The following DLG2 variants were observed in gnomAD, a reference collection of about 807,000 sequenced individuals.
DLG2 encodes the protein disks large homolog 2.
A neutral mutation model predicts 132.5 loss-of-function variants in DLG2; 45 were observed. The ratio of observed to expected loss-of-function variants is 0.34; its 90% CI spans 0.27 to 0.44. The LOEUF is 0.44. Among genes scored for constraint, DLG2 ranks in the 20% least tolerant of loss-of-function variants. The pLI, the probability that DLG2 is intolerant of heterozygous loss-of-function variation, is 1.00. For synonymous variants in DLG2, 424 were observed against 419.6 expected (o/e 1.01, Z -0.13); for missense variants, 1,045 against 1,196.9 (o/e 0.87, Z 1.87).
chr11:85,487,831 T>C (rs2093464594), intron 3 of DLG2, among the ~76,000 whole-genome samples: 1 of 152,142 alleles, frequency 6.6e-6, no homozygotes, highest in Non-Finnish European at 1.5e-5. Context: ...AGGAAAACAA[T>C]GCAAAGAAGA....
intron 21 of DLG2, among the ~76,000 whole-genome samples, chr11:83,529,407 T>C (rs2095684359): frequency 6.6e-6 from 1 of 152,194 alleles, no homozygotes; most frequent in Non-Finnish European, 1.5e-5. Flanking sequence ...CTTATTGACG[T>C]ATTTTCTCAT....
At chr11:84,952,149 G>GT (rs2051008663) in intron 6 of DLG2, among the ~76,000 whole-genome samples, 1 of 152,102 alleles carries the variant, frequency 6.6e-6, no homozygotes, top group South Asian at 2.1e-4. Flanking sequence ...ATTGTACTTT[G>GT]TATCAGCCAT....
intron 6 of DLG2, among the ~76,000 whole-genome samples, chr11:84,880,697 G>C (rs979042725): frequency 6.6e-6 from 1 of 152,018 alleles, no homozygotes; most frequent in African/African-American, 2.4e-5. Flanking sequence ...TTAGGACATG[G>C]TGTAGCTGAA....
At chr11:83,983,684 T>C (rs544147619) in intron 11 of DLG2, among the ~76,000 whole-genome samples, 35 of 152,168 alleles carry the variant, frequency 2.3e-4, no homozygotes, top group Non-Finnish European at 4.4e-4. Context: ...TTCCTTGTGA[T>C]GTGAGTAATT....
chr11:84,949,407 CT>C (rs562373089), intron 6 of DLG2, among the ~76,000 whole-genome samples: 120 of 152,170 alleles, frequency 7.9e-4, no homozygotes, highest in Non-Finnish European at 1.2e-3. Flanking sequence ...ATCAACCAGT[CT>C]GACCAAAATT....
At chr11:85,449,252 G>C (rs1420751974) in intron 3 of DLG2, among the ~76,000 whole-genome samples, 3 of 151,904 alleles carry the variant, frequency 2.0e-5, no homozygotes, top group African/African-American at 7.3e-5. Context: ...CTTAAAAATT[G>C]CTTCTGCCAC....
intron 18 of DLG2, among the ~76,000 whole-genome samples, chr11:83,771,798 T>C (rs1439182931): frequency 6.6e-6 from 1 of 152,212 alleles, no homozygotes; most frequent in African/African-American, 2.4e-5. Flanking sequence ...AATCAGTTCT[T>C]CTGAGTGACC....
chr11:84,861,934 G>T (rs1057205409), intron 6 of DLG2, among the ~76,000 whole-genome samples: 9 of 149,310 alleles, frequency 6.0e-5, no homozygotes, highest in Non-Finnish European at 1.3e-4. Flanking sequence ...ACTATCGCAA[G>T]AACAAAAAAC....
chr11:84,249,101 C>T (rs1170994190), intron 8 of DLG2, among the ~76,000 whole-genome samples: 2 of 152,170 alleles, frequency 1.3e-5, no homozygotes, highest in Non-Finnish European at 2.9e-5. Context: ...GCCACCAGAA[C>T]CCTAATAGGA....
intron 7 of DLG2, among the ~76,000 whole-genome samples, chr11:84,450,213 A>G (rs904452637): frequency 1.3e-5 from 2 of 151,848 alleles, no homozygotes; most frequent in African/African-American, 4.8e-5. Flanking sequence ...GACTCTCAAC[A>G]TCCTTATCTT....
rs148939822 is a variant in DLG2, at chr11:83,497,107, C to A, written c.2194-12879G>T. Among the ~76,000 whole-genome samples, 855 of 152,298 alleles carry A rather than the reference C, an allele frequency of 5.6e-3. 12 individuals are homozygous for A. Among genetic ancestry groups the A allele is most frequent in the African/African-American group, 0.019 (804 of 41,564 alleles). On this transcript the variant is annotated intron_variant, in intron 21 of 27. Coordinates refer to ENST00000376104, the MANE Select transcript of DLG2 (RefSeq NM_001142699.3). ...GAGAGCATGACAGGTACTCAATACT[C>A]ACTGAATGAATGCAGGAACCAAAAT...
At chr11:84,541,645 C>T (rs1591943194) in intron 6 of DLG2, among the ~76,000 whole-genome samples, 1 of 152,220 alleles carries the variant, frequency 6.6e-6, no homozygotes, top group East Asian at 1.9e-4. Context: ...ATCTCTGAAT[C>T]TCCAATGCCC....
intron 7 of DLG2, among the ~76,000 whole-genome samples, chr11:84,320,182 T>G (rs1000473948): frequency 3.3e-5 from 5 of 152,198 alleles, no homozygotes; most frequent in Non-Finnish European, 5.9e-5. Context: ...AATGCCTAGA[T>G]GAGATATAAC....
intron 6 of DLG2, among the ~76,000 whole-genome samples, chr11:84,992,540 C>T (rs1592332993): frequency 6.6e-6 from 1 of 152,070 alleles, no homozygotes; most frequent in Non-Finnish European, 1.5e-5. Context: ...TGAAAAGTGG[C>T]ACTTCATCAG....
At chr11:85,155,001 A>G (rs1479371518) in intron 4 of DLG2, among the ~76,000 whole-genome samples, 3 of 152,224 alleles carry the variant, frequency 2.0e-5, no homozygotes, top group African/African-American at 4.8e-5. Flanking sequence ...ATAAGTTCTC[A>G]TGCTTGGAGA....
At chr11:83,718,559 A>G (rs559775385) in intron 18 of DLG2, among the ~76,000 whole-genome samples, 1 of 151,376 alleles carries the variant, frequency 6.6e-6, no homozygotes, top group East Asian at 1.9e-4. Context: ...AAAGAAAGAA[A>G]AAAAGAAATA....
intron 3 of DLG2, among the ~76,000 whole-genome samples, chr11:85,498,078 A>G (rs575487400): frequency 3.9e-5 from 6 of 152,338 alleles, no homozygotes; most frequent in South Asian, 2.1e-4. Flanking sequence ...CACACATGAC[A>G]TTATTAACCT....
intron 6 of DLG2, among the ~76,000 whole-genome samples, chr11:84,689,168 A>G (rs1203213243): frequency 1.3e-5 from 2 of 152,142 alleles, no homozygotes; most frequent in Admixed American, 1.3e-4. Context: ...TTATCTCAAG[A>G]AAATCTGTAT....
At chr11:83,728,734 G>A (rs1346699987) in intron 18 of DLG2, among the ~76,000 whole-genome samples, 1 of 152,206 alleles carries the variant, frequency 6.6e-6, no homozygotes, top group Non-Finnish European at 1.5e-5. Flanking sequence ...GCAATGTCAT[G>A]CCAGCAACAC....
Sources: gnomAD v4.1 joint callset for allele counts (sites outside exome capture counted in the v4.1 genomes callset) on GRCh38, gnomAD v4.1.1 for gene constraint, MANE v1.5 for transcripts, NCBI Gene and HGNC (gene_info 2026-07-23, HGNC 2026-07-21) for gene names.